The following GALNT9 variants were observed in gnomAD, a reference collection of about 807,000 sequenced individuals.
The protein encoded by GALNT9 is polypeptide N-acetylgalactosaminyltransferase 9, also known as GalNAc transferase 9.
GALNT9 carries 47 observed loss-of-function variants against 63.1 expected under a neutral mutation model. The observed-to-expected ratio is 0.75, with a 90% confidence interval of 0.59 to 0.95. The LOEUF is 0.95. GALNT9 is among the 40% of genes least tolerant of loss of function. The pLI, the probability that GALNT9 is intolerant of heterozygous loss-of-function variation, is 0.00. For missense variants in GALNT9, 829 were observed against 874.8 expected (o/e 0.95, Z 0.66); for synonymous variants, 396 against 365.7 (o/e 1.08, Z -0.94).
chr12:132,293,051 C>T (rs1880920935), intron 1 of GALNT9, among the ~76,000 whole-genome samples: 1 of 152,058 alleles, frequency 6.6e-6, no homozygotes, highest in Non-Finnish European at 1.5e-5. Context: ...GTGGGAGTGG[C>T]GGGGCCAGGG....
At chr12:132,250,249 G>A (rs563759654) in intron 5 of GALNT9, among the ~76,000 whole-genome samples, 1 of 152,330 alleles carries the variant, frequency 6.6e-6, no homozygotes, top group East Asian at 1.9e-4. Flanking sequence ...AAGTCCACGG[G>A]GGCAGGAAGT....
In GALNT9 at chr12:132,316,245, C is replaced by T. The variant is rs1442171982; in HGVS notation, c.238+12721G>A. Among the ~76,000 whole-genome samples, 4 of 152,062 alleles carry T rather than the reference C, an allele frequency of 2.6e-5. No individual in the cohort carries two copies. The highest frequency in any genetic ancestry group is 2.1e-4 in the South Asian group (1 of 4,810). Reference sequence around the variant, plus strand: ...CACAGTCAGTGCCTGCCCCGGGCCCCGACCTGCAAAGGGGGGTGCCATGAT... The same window carrying T: ...CACAGTCAGTGCCTGCCCCGGGCCCTGACCTGCAAAGGGGGGTGCCATGAT... On this transcript the variant is annotated intron_variant, in intron 1 of 10. Transcript: ENST00000328957. The surrounding 1 kb of genome is among the most constrained non-coding windows in gnomAD (Gnocchi z 4.3).
chr12:132,203,060 G>C (rs1876301102), intron 7 of GALNT9, among the ~76,000 whole-genome samples: 1 of 152,132 alleles, frequency 6.6e-6, no homozygotes, highest in Non-Finnish European at 1.5e-5. Context: ...CTGAGGACGG[G>C]AAGCCACACA....
At chr12:132,298,921 A>G (rs1555243529) in intron 1 of GALNT9, among the ~76,000 whole-genome samples, 1 of 148,618 alleles carries the variant, frequency 6.7e-6, no homozygotes, top group Non-Finnish European at 1.5e-5. Flanking sequence ...CTGCCACCAC[A>G]CCTAACCCAT....
chr12:132,229,208 G>A (rs1417003562), intron 6 of GALNT9, among the ~76,000 whole-genome samples: 4 of 152,218 alleles, frequency 2.6e-5, no homozygotes, highest in East Asian at 1.9e-4. Flanking sequence ...ACAGGTGGCC[G>A]CTCCGTGCAC....
chr12:132,225,929 CCACA>C (rs1235082680), intron 6 of GALNT9, among the ~76,000 whole-genome samples: 2 of 146,586 alleles, frequency 1.4e-5, no homozygotes, highest in African/African-American at 5.1e-5. Flanking sequence ...CATATACAAC[CCACA>C]CACACACCCC....
intron 2 of GALNT9, chr12:132,283,351 TGATGG>T (rs1880440410): frequency 6.6e-6 from 1 of 152,244 alleles, no homozygotes; most frequent in Non-Finnish European, 1.5e-5. Flanking sequence ...ACGGGAGGAA[TGATGG>T]GGACGGGGCG....
chr12:132,312,377 G>A (rs1372685831), intron 1 of GALNT9, among the ~76,000 whole-genome samples: 8 of 152,202 alleles, frequency 5.3e-5, no homozygotes, highest in Admixed American at 1.3e-4. Flanking sequence ...AACAACCCAC[G>A]GCTGCTCCAT....
chr12:132,206,576 G>C (rs1474165997), intron 6 of GALNT9, among the ~76,000 whole-genome samples: 1 of 152,046 alleles, frequency 6.6e-6, no homozygotes, highest in Non-Finnish European at 1.5e-5. Flanking sequence ...GAACCCGGGA[G>C]GCAGAGGTGA....
intron 7 of GALNT9, among the ~76,000 whole-genome samples, chr12:132,202,830 G>A (rs1876271233): frequency 1.3e-5 from 2 of 152,284 alleles, no homozygotes; most frequent in South Asian, 4.1e-4. Context: ...TGGGGGTGGG[G>A]CGCTTTGAGA....
intron 2 of GALNT9, among the ~76,000 whole-genome samples, chr12:132,270,994 G>A (rs551897726): frequency 6.6e-6 from 1 of 152,144 alleles, no homozygotes; most frequent in South Asian, 2.1e-4. Flanking sequence ...CAGAGAGAAC[G>A]AGACAACAGC....
Position 132,315,561 on chromosome 12 carries a change from T to C in GALNT9, c.238+13405A>G, listed in dbSNP as rs1555245638. ...CAGAGCTGATGCGACTGAACTATTCTGTGGAAAGTAAAAATAGCCCCTTTC... is the reference window on the plus strand; with the variant it reads ...CAGAGCTGATGCGACTGAACTATTCCGTGGAAAGTAAAAATAGCCCCTTTC... On this transcript the variant is annotated intron_variant, in intron 1 of 10. Coordinates refer to ENST00000328957, the MANE Select transcript of GALNT9 (RefSeq NM_001122636.2). The surrounding 1 kb of genome is among the most constrained non-coding windows in gnomAD (Gnocchi z 6.1). Among the ~76,000 whole-genome samples the C allele has an allele frequency of 6.6e-6, 1 of 152,226 alleles. No homozygotes were observed. Among genetic ancestry groups the C allele is most frequent in the Non-Finnish European group, 1.5e-5 (1 of 68,038 alleles).
At chr12:132,203,305 T>C (rs1002216762) in intron 7 of GALNT9, among the ~76,000 whole-genome samples, 200 bp downstream of exon 7, 5 of 152,106 alleles carry the variant, frequency 3.3e-5, no homozygotes, top group African/African-American at 7.2e-5. Flanking sequence ...CTCTTCCCAG[T>C]GTGAGGAAGG....
At chr12:132,213,817 T>A (rs1877071158) in intron 6 of GALNT9, among the ~76,000 whole-genome samples, 1 of 152,210 alleles carries the variant, frequency 6.6e-6, no homozygotes, top group Admixed American at 6.5e-5. Context: ...TCGAGCAGAA[T>A]GCAGACACGT....
chr12:132,250,335 G>A (rs1476263015), intron 5 of GALNT9, among the ~76,000 whole-genome samples: 2 of 152,224 alleles, frequency 1.3e-5, no homozygotes, highest in Non-Finnish European at 1.5e-5. Context: ...CCACGGGGAG[G>A]GAGGACAATG....
intron 5 of GALNT9, among the ~76,000 whole-genome samples, chr12:132,254,549 C>T (rs529260043): frequency 8.5e-5 from 13 of 152,300 alleles, no homozygotes; most frequent in Non-Finnish European, 1.3e-4. Flanking sequence ...GGCTCCAGCA[C>T]GTGACTCTGT....
rs1436200709 is a variant in GALNT9 at position 132,265,292 on chromosome 12, C to G, written c.420-2667G>C. On this transcript the variant is annotated intron_variant, in intron 2 of 10. Coordinates refer to ENST00000328957, the MANE Select transcript of GALNT9 (RefSeq NM_001122636.2). The surrounding 1 kb of genome is among the most constrained non-coding windows in gnomAD (Gnocchi z 5.3). ...CCACGGGGAGAAAATGACGGCTGGA[C>G]CGGTCCTCCCCGTGGAAGCCTTTCC... Among the ~76,000 whole-genome samples the G allele has an allele frequency of 6.6e-6, 1 of 152,188 alleles. No individual in the cohort carries two copies. Among genetic ancestry groups the G allele is most frequent in the Non-Finnish European group, 1.5e-5 (1 of 68,048 alleles).
At chr12:132,263,316 GA>G (rs1406494581) in intron 2 of GALNT9, among the ~76,000 whole-genome samples, 3 of 152,228 alleles carry the variant, frequency 2.0e-5, no homozygotes, top group Non-Finnish European at 2.9e-5. Context: ...TTTCTGACAA[GA>G]AAACGTCACT....
At chr12:132,228,365 C>A (rs1452174482) in intron 6 of GALNT9, among the ~76,000 whole-genome samples, 5 of 143,150 alleles carry the variant, frequency 3.5e-5, no homozygotes, top group African/African-American at 7.5e-5. Context: ...GCTCCCTCCC[C>A]AGAGGAAGGG....
Sources: gnomAD v4.1 joint callset for allele counts (sites outside exome capture counted in the v4.1 genomes callset) on GRCh38, gnomAD v4.1.1 for gene constraint, Gnocchi (gnomAD v3.1) non-coding constraint, MANE v1.5 for transcripts, NCBI Gene and HGNC (gene_info 2026-07-23, HGNC 2026-07-21) for gene names.